CDH13: variants seen among roughly 807,000 people sequenced by gnomAD.
CDH13 encodes the protein cadherin 13.
CDH13 carries 24 observed loss-of-function variants against 63.8 expected under a neutral mutation model. That is an observed-to-expected ratio of 0.38 (90% CI 0.27 to 0.53). The LOEUF (loss-of-function observed/expected upper bound fraction) is 0.53, where lower values mean the gene tolerates loss of function less well. Ranked by LOEUF, CDH13 falls within the 20% of genes least tolerant of loss-of-function variation. The pLI is 0.85. For missense variants in CDH13, 1,049 were observed against 903.1 expected (o/e 1.16, Z -2.07); for synonymous variants, 503 against 355.3 (o/e 1.42, Z -4.67).
chr16:83,623,687 A>C (rs1345790542), intron 8 of CDH13, among the ~76,000 whole-genome samples: 1 of 152,190 alleles, frequency 6.6e-6, no homozygotes, highest in African/African-American at 2.4e-5. Flanking sequence ...TCTGGTCTAT[A>C]ATAACCACGC....
chr16:82,679,264 A>G (rs999560818), intron 1 of CDH13, among the ~76,000 whole-genome samples: 4 of 152,180 alleles, frequency 2.6e-5, no homozygotes, highest in African/African-American at 9.7e-5. Flanking sequence ...GTGCTGTCTG[A>G]TCATATACCT....
intron 8 of CDH13, among the ~76,000 whole-genome samples, chr16:83,616,331 T>C (rs1909279087): frequency 6.6e-6 from 1 of 152,220 alleles, no homozygotes; most frequent in African/African-American, 2.4e-5. Context: ...AGATGATTTA[T>C]TGCATTAATC....
At chr16:83,308,411 A>G (rs1432724012) in intron 5 of CDH13, among the ~76,000 whole-genome samples, 1 of 152,228 alleles carries the variant, frequency 6.6e-6, no homozygotes, top group Non-Finnish European at 1.5e-5. Flanking sequence ...TGAGATTTCA[A>G]GGTCCAACAC....
At chr16:83,074,968 C>G (rs908465970) in intron 3 of CDH13, among the ~76,000 whole-genome samples, 5 of 152,200 alleles carry the variant, frequency 3.3e-5, no homozygotes, top group Non-Finnish European at 7.3e-5. Flanking sequence ...GCAAGGCAGC[C>G]ACTGCCTCTC....
At chr16:82,735,474 G>C (rs751922451) in intron 1 of CDH13, among the ~76,000 whole-genome samples, 1 of 152,234 alleles carries the variant, frequency 6.6e-6, no homozygotes, top group East Asian at 1.9e-4. Context: ...ATGAACTAGA[G>C]TATCGCCTTG....
At chr16:83,452,211 T>A (rs369333931) in intron 6 of CDH13, among the ~76,000 whole-genome samples, 1 of 152,248 alleles carries the variant, frequency 6.6e-6, no homozygotes, top group African/African-American at 2.4e-5. Flanking sequence ...TAGTCAACCT[T>A]GTGACAGTCG....
intron 1 of CDH13, among the ~76,000 whole-genome samples, chr16:82,695,754 A>T (rs1291911385): frequency 6.6e-6 from 1 of 152,206 alleles, no homozygotes; most frequent in African/African-American, 2.4e-5. Context: ...AGATTTGAAC[A>T]CAAGGGCATG....
chr16:83,025,066 G>C (rs1272252606), intron 2 of CDH13, among the ~76,000 whole-genome samples: 1 of 152,186 alleles, frequency 6.6e-6, no homozygotes, highest in Non-Finnish European at 1.5e-5. Context: ...GAAGGAAGCT[G>C]TGTAGGAAAA....
At chr16:83,103,017 A>G (rs1201773234) in intron 3 of CDH13, among the ~76,000 whole-genome samples, 5 of 129,362 alleles carry the variant, frequency 3.9e-5, no homozygotes, top group Non-Finnish European at 6.2e-5. Context: ...CAGTGGCACA[A>G]TCTCAGCTCA....
chr16:82,642,732 C>G (rs527801360), intron 1 of CDH13, among the ~76,000 whole-genome samples: 2 of 152,296 alleles, frequency 1.3e-5, no homozygotes, highest in Admixed American at 1.3e-4. Flanking sequence ...GTAATAGTAG[C>G]TGATATCAGT....
intron 8 of CDH13, among the ~76,000 whole-genome samples, chr16:83,631,117 G>C (rs1910742416): frequency 6.6e-6 from 1 of 152,186 alleles, no homozygotes; most frequent in Non-Finnish European, 1.5e-5. Context: ...TCTAGTGAAT[G>C]TAAGAAAGGC....
intron 7 of CDH13, among the ~76,000 whole-genome samples, chr16:83,563,219 A>C (rs2075738237): frequency 6.6e-6 from 1 of 152,240 alleles, no homozygotes; most frequent in Non-Finnish European, 1.5e-5. Flanking sequence ...TCTCCAACAG[A>C]GCCTAATAAC....
chr16:83,783,561 C>A, intron 13 of CDH13, 89 bp downstream of exon 13: 1 of 955,088 alleles, frequency 1.0e-6, no homozygotes, highest in South Asian at 1.3e-5. Context: ...TATACCTTTC[C>A]AAGAAGATGT....
chr16:82,641,917 C>T (rs1246183757), intron 1 of CDH13, among the ~76,000 whole-genome samples: 1 of 152,070 alleles, frequency 6.6e-6, no homozygotes, highest in East Asian at 1.9e-4. Context: ...AATGAGAAAG[C>T]AGGCGAGGGG....
chr16:82,924,012 C>G (rs1291040591), intron 2 of CDH13, among the ~76,000 whole-genome samples: 3 of 152,176 alleles, frequency 2.0e-5, no homozygotes, highest in African/African-American at 7.2e-5. Context: ...CTTCTCAAAA[C>G]TTGTAAGAAC....
intron 3 of CDH13, among the ~76,000 whole-genome samples, chr16:83,041,649 T>C (rs1460633703): frequency 6.6e-6 from 1 of 152,142 alleles, no homozygotes; most frequent in Non-Finnish European, 1.5e-5. Flanking sequence ...TCTACACACA[T>C]ACATTCATGG....
At chr16:82,912,105 G>A (rs1180768223) in intron 2 of CDH13, among the ~76,000 whole-genome samples, 1 of 152,004 alleles carries the variant, frequency 6.6e-6, no homozygotes, top group African/African-American at 2.4e-5. Context: ...CATCACCATG[G>A]AAACCTGTGG....
chr16:82,931,765 T>C (rs895437401), intron 2 of CDH13, among the ~76,000 whole-genome samples: 3 of 152,020 alleles, frequency 2.0e-5, no homozygotes, highest in Non-Finnish European at 4.4e-5. Context: ...AAACATCAGA[T>C]CTCATGAGAC....
At chr16:83,647,182 C>T (rs974118108) in intron 8 of CDH13, among the ~76,000 whole-genome samples, 3 of 151,816 alleles carry the variant, frequency 2.0e-5, no homozygotes, top group Non-Finnish European at 4.4e-5. Flanking sequence ...TGGTGGCAGG[C>T]GCCTGTAGTC....
Sources: allele counts gnomAD v4.1 joint callset (sites outside exome capture counted in the v4.1 genomes callset), GRCh38; gene constraint gnomAD v4.1.1; transcripts MANE v1.5; gene names NCBI Gene and HGNC (gene_info 2026-07-23, HGNC 2026-07-21).